FER1L5: variants seen among roughly 807,000 people sequenced by gnomAD.
FER1L5 encodes the protein fer-1-like protein 5.
A neutral mutation model predicts 279.9 loss-of-function variants in FER1L5; 187 were observed. That is an observed-to-expected ratio of 0.67 (90% CI 0.59 to 0.75). FER1L5 has a LOEUF of 0.75. Among genes scored for constraint, FER1L5 ranks in the 30% least tolerant of loss-of-function variants. The pLI, the probability that FER1L5 is intolerant of heterozygous loss-of-function variation, is 0.00. For synonymous variants in FER1L5, 921 were observed against 989.7 expected (o/e 0.93, Z 1.30); for missense variants, 2,091 against 2,594.4 (o/e 0.81, Z 4.21).
intron 19 of FER1L5, among the ~76,000 whole-genome samples, chr2:96,675,914 C>T (rs1044463056): frequency 1.1e-4 from 17 of 152,020 alleles, no homozygotes; most frequent in African/African-American, 2.7e-4. Context: ...TGAGCCACTG[C>T]GCTCAGCCCG....
At position 96,682,316 on chromosome 2, in the gene FER1L5, T is replaced by C. The variant is rs566923596; in HGVS notation, c.1670-2011T>C. Among the ~76,000 whole-genome samples the C allele has an allele frequency of 9.2e-5, 14 of 152,268 alleles. No homozygotes were observed. The East Asian group carries it at 2.7e-3, about 29-fold the overall frequency. The stretch of plus-strand genomic sequence containing the variant: ...CATGTTGGCCAGGCTGGTCTCAAAC[T>C]CCAGACCTCAGGTGATCCTCCCGCC... On this transcript the variant is annotated intron_variant, in intron 19 of 52. Transcript: ENST00000624922.
At chr2:96,695,428 CT>C in intron 34 of FER1L5, 80 bp from the exon 35 acceptor site, 1 of 1,485,128 alleles carries the variant, frequency 6.7e-7, no homozygotes, top group Non-Finnish European at 8.9e-7. Context: ...GCTATTGCCC[CT>C]CAGCCCCCTT....
At chr2:96,695,419 C>T (rs1573954564) in intron 34 of FER1L5, 90 bp from the exon 35 acceptor site, 2 of 1,465,510 alleles carry the variant, frequency 1.4e-6, no homozygotes, top group Non-Finnish European at 9.0e-7. Flanking sequence ...TGCTGCACCG[C>T]TATTGCCCCT....
At chr2:96,678,677 C>T (rs187218462) in intron 19 of FER1L5, among the ~76,000 whole-genome samples, 1,885 of 152,298 alleles carry the variant, frequency 0.012, 13 homozygotes, top group Middle Eastern at 0.031. Context: ...AAGCAATCCA[C>T]CCACCTTGGC....
In FER1L5 at chr2:96,689,228, A is replaced by C; in HGVS notation, c.2377A>C (p.Lys793Gln). Reference sequence around the variant, plus strand: ...CCTCCCCTAGTATGAGAATCAGGCCAAGTATAAAGACCAGTGGGGGCAGCA... The same window carrying C: ...CCTCCCCTAGTATGAGAATCAGGCCCAGTATAAAGACCAGTGGGGGCAGCA... ...VYAEMYENQAKYKDQWGQQGL... is the reference protein window; with the variant it reads ...VYAEMYENQAQYKDQWGQQGL... The change falls in exon 25 of 53, where the codon AAG (lysine) becomes CAG (glutamine). Residue 793 changes from lysine to glutamine, a missense_variant. Physicochemically the swap from Lys to Gln is moderately conservative, Grantham distance 53. Transcript: ENST00000624922. The surrounding 1 kb of genome is among the most constrained non-coding windows in gnomAD (Gnocchi z 4.6). 1.3e-6 allele frequency: 2 copies of C among 1,550,426 alleles called. No homozygotes were observed. Among genetic ancestry groups the C allele is most frequent in the Non-Finnish European group, 1.7e-6 (2 of 1,146,582 alleles).
chr2:96,653,659 A>G lies in FER1L5; in HGVS notation c.653A>G (p.His218Arg), dbSNP rs1427107591. ...FFNEIFFQNF[H>R]EVPAKFFDET... is the part of the protein sequence containing the mutation. ...CCTCAGATCTTCTTCCAGAATTTTC[A>G]TGAGGTTCCTGCAAAGTTCTTTGAT... Residue 218 changes from histidine to arginine, a missense_variant, in exon 8 of 53, where the codon CAT becomes CGT. Transcript: ENST00000624922. 7 of 1,551,440 alleles carry G rather than the reference A, an allele frequency of 4.5e-6. No individual in the cohort carries two copies. Among genetic ancestry groups the G allele is most frequent in the East Asian group, 4.9e-5 (2 of 40,926 alleles).
chr2:96,665,072 A>T (rs1487441893), intron 14 of FER1L5, among the ~76,000 whole-genome samples: 2 of 152,200 alleles, frequency 1.3e-5, no homozygotes, highest in African/African-American at 4.8e-5. Flanking sequence ...TGTGGATGAC[A>T]GTTCTCTTGA....
chr2:96,690,517 G>A lies in FER1L5; in HGVS notation c.2671G>A (p.Val891Met), dbSNP rs778373631. 5.2e-6 allele frequency: 8 copies of A among 1,551,510 alleles called. No individual in the cohort carries two copies. Among genetic ancestry groups the A allele is most frequent in the South Asian group, 3.6e-5 (3 of 84,068 alleles). ...NGQPMEAREN[V>M]KCPQGWHFKK... is the part of the protein sequence containing the mutation. ...ACAGCCCATGGAGGCCCGGGAGAACGTGAAGTGCCCCCAAGGCTGGCACTT... is the reference window on the plus strand; with the variant it reads ...ACAGCCCATGGAGGCCCGGGAGAACATGAAGTGCCCCCAAGGCTGGCACTT... The change falls in exon 27 of 53, where the codon GTG becomes ATG. Residue 891 changes from valine (V) to methionine (M), a missense_variant. Val to Met is a conservative substitution (Grantham distance 21, BLOSUM62 1). Transcript: ENST00000624922.
intron 9 of FER1L5, among the ~76,000 whole-genome samples, chr2:96,659,538 C>A (rs1229401011): frequency 7.0e-6 from 1 of 143,852 alleles, no homozygotes; most frequent in Non-Finnish European, 1.5e-5. Context: ...GTCGCCCAGG[C>A]TGGAGAGCAG....
chr2:96,696,146 G>C (rs1035142303), intron 37 of FER1L5, 69 bp downstream of exon 37: 5 of 1,598,356 alleles, frequency 3.1e-6, no homozygotes, highest in Non-Finnish European at 4.3e-6. Flanking sequence ...GCCTAAGGAG[G>C]GGTGTCCATT....
At position 96,647,767 on chromosome 2, in the gene FER1L5, T is replaced by C; in HGVS notation, c.231-11T>C. ...GGCTCAGGATCTCACATCTGCTCCTTGTCTCCCCAGATTCATTGGCCTGGC... is the reference window on the plus strand; with the variant it reads ...GGCTCAGGATCTCACATCTGCTCCTCGTCTCCCCAGATTCATTGGCCTGGC... On this transcript the variant is annotated splice_polypyrimidine_tract_variant and intron_variant, in intron 3 of 52. Transcript: ENST00000624922. The C allele has an allele frequency of 6.5e-7, 1 of 1,545,136 alleles. No homozygotes were observed. The highest frequency in any genetic ancestry group is 1.2e-5 in the South Asian group (1 of 83,928).
chr2:96,650,058 G>A lies in FER1L5; in HGVS notation c.395-122G>A, dbSNP rs535674269. On this transcript the variant is annotated intron_variant, in intron 5 of 52. Transcript: ENST00000624922. ...GGGGAGGACATATGTCACTGTTGGG[G>A]CCTCTTGGCCATGCTTTTAGTCAGG... The A allele has an allele frequency of 4.0e-6, 3 of 742,338 alleles. No homozygotes were observed. In the East Asian group the frequency reaches 8.1e-5, roughly 20 times the overall value. The allele number at this position is 742,338 out of a possible 1,614,324, so 46.0% of individuals were successfully genotyped here.
At chr2:96,685,297 G>A in intron 20 of FER1L5, 32 bp from the exon 21 acceptor site, 1 of 1,543,326 alleles carries the variant, frequency 6.5e-7, no homozygotes, top group Non-Finnish European at 8.8e-7. Context: ...TGCTGAGGCG[G>A]GCTCTCTCAC....
chr2:96,658,136 A>C (rs1286282223), intron 9 of FER1L5, among the ~76,000 whole-genome samples: 3 of 145,792 alleles, frequency 2.1e-5, no homozygotes, highest in Non-Finnish European at 4.5e-5. Context: ...CCTGCCTCAG[A>C]CTCCCGAGTA....
chr2:96,674,044 T>C (rs11891926), intron 19 of FER1L5, among the ~76,000 whole-genome samples: 116,913 of 152,144 alleles, frequency 0.77, 46,128 homozygotes, highest in African/African-American at 0.94. Context: ...CCATACAATT[T>C]GCCCATTTCA....
intron 6 of FER1L5, among the ~76,000 whole-genome samples, chr2:96,651,272 T>TTTCTTTC (rs907125129): frequency 6.6e-6 from 1 of 150,828 alleles, no homozygotes; most frequent in Non-Finnish European, 1.5e-5. Context: ...TCTTTCTTTC[T>TTTCTTTC]TTCTTTCTTT....
chr2:96,647,679 C>T (rs574985046), intron 3 of FER1L5, 99 bp from the exon 4 acceptor site: 9 of 844,522 alleles, frequency 1.1e-5, no homozygotes, highest in African/African-American at 8.4e-5. Context: ...ACAGCACAGC[C>T]CTGGGAGGAA....
intron 21 of FER1L5, 94 bp downstream of exon 21, chr2:96,685,523 G>C (rs535640705): frequency 2.9e-6 from 3 of 1,027,300 alleles, no homozygotes; most frequent in Non-Finnish European, 1.4e-6. Context: ...ACCTCCCCCC[G>C]CCCTCCTCGG....
intron 14 of FER1L5, among the ~76,000 whole-genome samples, chr2:96,667,011 GAC>G (rs2076149352): frequency 6.6e-6 from 1 of 152,058 alleles, no homozygotes. Context: ...GTGGAGATGG[GAC>G]ACAGAAGCTT....
Sources: gnomAD v4.1 joint callset for allele counts (sites outside exome capture counted in the v4.1 genomes callset) on GRCh38, gnomAD v4.1.1 for gene constraint, Gnocchi (gnomAD v3.1) non-coding constraint, MANE v1.5 for transcripts, NCBI Gene and HGNC (gene_info 2026-07-23, HGNC 2026-07-21) for gene names.